The following MYO9B variants were observed in gnomAD, a reference collection of about 807,000 sequenced individuals.
MYO9B encodes the protein unconventional myosin-IXb.
MYO9B carries 71 observed loss-of-function variants against 229.5 expected under a neutral mutation model. The ratio of observed to expected loss-of-function variants is 0.31; its 90% CI spans 0.26 to 0.38. MYO9B has a LOEUF of 0.38. MYO9B is among the 10% of genes least tolerant of loss of function. The pLI is 1.00. For missense variants in MYO9B, 2,255 were observed against 2,920.5 expected, an observed-to-expected ratio of 0.77 and a Z score of 5.25; for synonymous variants, 1,185 against 1,235.8, an observed-to-expected ratio of 0.96 and a Z score of 0.86.
intron 2 of MYO9B, among the ~76,000 whole-genome samples, chr19:17,120,398 T>C (rs2057950941): frequency 6.6e-6 from 1 of 152,146 alleles, no homozygotes; most frequent in African/African-American, 2.4e-5. Flanking sequence ...ATCCCAGTGC[T>C]TTGGGAAGCC....
chr19:17,095,044 GC>G (rs1357252256), intron 1 of MYO9B, among the ~76,000 whole-genome samples: 2 of 152,210 alleles, frequency 1.3e-5, no homozygotes, highest in African/African-American at 4.8e-5. Context: ...TTCCAGACCA[GC>G]CTGGCCAACA....
rs1323240448 is a variant in MYO9B, at chr19:17,122,226, T to C, written c.840+19669T>C. 2.6e-5 allele frequency among the ~76,000 whole-genome samples: 4 copies of C among 152,112 alleles called. No individual in the cohort carries two copies. In the East Asian group the frequency reaches 7.7e-4, roughly 29 times the overall value. On this transcript the variant is annotated intron_variant, in intron 2 of 39. Coordinates refer to ENST00000682292, the MANE Select transcript of MYO9B (RefSeq NM_004145.4). The stretch of plus-strand genomic sequence containing the variant: ...AGAATCTTTCTTGCAAAAGATGCAT[T>C]ATTTCAGGAAGCCATCAAAAGTTGC...
At chr19:17,151,340 C>T (rs545211845) in intron 3 of MYO9B, among the ~76,000 whole-genome samples, 187 of 151,544 alleles carry the variant, frequency 1.2e-3, no homozygotes, top group African/African-American at 4.3e-3. Context: ...CATATGGATA[C>T]AACCAAGTAT....
At chr19:17,152,846 C>T (rs1033966467) in intron 4 of MYO9B, 140 bp downstream of exon 4, 1 of 693,810 alleles carries the variant, frequency 1.4e-6, no homozygotes, top group Non-Finnish European at 2.4e-6. Context: ...GGAGCAGGGC[C>T]TGCCCATCCA....
intron 2 of MYO9B, among the ~76,000 whole-genome samples, chr19:17,125,305 C>CG (rs1396799868): frequency 2.2e-5 from 3 of 138,782 alleles, no homozygotes; most frequent in East Asian, 2.1e-4. Context: ...CATCCCCCCC[C>CG]CCCCAAAAAA....
At chr19:17,107,411 C>A (rs2057802811) in intron 2 of MYO9B, among the ~76,000 whole-genome samples, 1 of 152,206 alleles carries the variant, frequency 6.6e-6, no homozygotes, top group Non-Finnish European at 1.5e-5. Flanking sequence ...AGGATTGCCA[C>A]CTAGGTCTCA....
At chr19:17,126,981 C>T (rs1244723865) in intron 2 of MYO9B, among the ~76,000 whole-genome samples, 1 of 137,010 alleles carries the variant, frequency 7.3e-6, no homozygotes, top group Non-Finnish European at 1.5e-5. Flanking sequence ...ACCACACCCA[C>T]CCGATCTTTT....
At chr19:17,095,058 G>A (rs901003096) in intron 1 of MYO9B, among the ~76,000 whole-genome samples, 2 of 152,182 alleles carry the variant, frequency 1.3e-5, no homozygotes, top group Non-Finnish European at 2.9e-5. Flanking sequence ...GGCCAACATG[G>A]CGAAACTCTG....
chr19:17,184,725 T>C, intron 16 of MYO9B, 140 bp from the exon 17 acceptor site: 2 of 1,124,138 alleles, frequency 1.8e-6, no homozygotes, highest in Admixed American at 2.4e-5. Flanking sequence ...AGTGTGGTCC[T>C]GAGACCAAAC....
chr19:17,212,505 C>G lies in MYO9B; in HGVS notation c.*195C>G, dbSNP rs865789964. 1.7e-6 allele frequency: 1 copy of G among 572,478 alleles called. No individual in the cohort carries two copies. The highest frequency in any genetic ancestry group is 1.9e-5 in the African/African-American group (1 of 51,342). The allele number at this position is 572,478 out of a possible 1,614,324, so 35.5% of individuals were successfully genotyped here. On this transcript the variant is annotated 3_prime_UTR_variant, in exon 40 of 40. Coordinates refer to ENST00000682292, the MANE Select transcript of MYO9B (RefSeq NM_004145.4). The surrounding 1 kb of genome is among the most constrained non-coding windows in gnomAD (Gnocchi z 5.4). ...CCGGCTGGAGCCAGGCCCCCTCGCA[C>G]GCAGCCCCCAAATCATGGACGCACC...
At chr19:17,131,087 G>C (rs1228567163) in intron 2 of MYO9B, among the ~76,000 whole-genome samples, 1 of 152,108 alleles carries the variant, frequency 6.6e-6, no homozygotes, top group Non-Finnish European at 1.5e-5. Flanking sequence ...GCTAGAAACT[G>C]CTGTATGCTC....
intron 2 of MYO9B, among the ~76,000 whole-genome samples, chr19:17,109,425 G>A (rs948616873): frequency 3.3e-5 from 5 of 152,146 alleles, no homozygotes; most frequent in Non-Finnish European, 7.3e-5. Context: ...TTTGGGCTTC[G>A]TGATTTTCCT....
At chr19:17,079,048 G>A (rs1600007916) in intron 1 of MYO9B, among the ~76,000 whole-genome samples, 1 of 152,210 alleles carries the variant, frequency 6.6e-6, no homozygotes, top group African/African-American at 2.4e-5. Flanking sequence ...CCCATGAGAT[G>A]CCAGTAGTAT....
chr19:17,186,097 G>C, intron 18 of MYO9B, 96 bp downstream of exon 18: 1 of 1,100,892 alleles, frequency 9.1e-7, no homozygotes, highest in Non-Finnish European at 1.4e-6. Context: ...CACGCAGTAT[G>C]GGGGACGGTG....
intron 2 of MYO9B, among the ~76,000 whole-genome samples, chr19:17,126,056 T>A (rs189898737): frequency 2.1e-3 from 317 of 152,284 alleles, no homozygotes; most frequent in Non-Finnish European, 3.2e-3. Context: ...AGGGTCTTCC[T>A]TGTGCCTGGC....
At position 17,200,423 on chromosome 19, in the gene MYO9B, G is replaced by A. The variant is rs772859092; in HGVS notation, c.4369G>A (p.Glu1457Lys). 6 of 1,575,116 alleles carry A rather than the reference G, an allele frequency of 3.8e-6. No individual in the cohort carries two copies. The highest frequency in any genetic ancestry group is 2.3e-5 in the East Asian group (1 of 43,058). ...AGCCACCACCATGAAGAAGGGCCTG[G>A]AAGGTTGGTAGCCTGCAGCCTCAGG... ...LEATTMKKGL[E>K]APSGQQHRHA... Residue 1457 changes from glutamate to lysine, a missense_variant, in exon 25 of 40, where the codon GAA becomes AAA. By Grantham distance (56) the Glu-to-Lys change is moderately conservative (BLOSUM62 1). Around this residue, in one of 7 missense-constraint regions of MYO9B, gnomAD observed 679 missense variants for 770.2 expected, o/e 0.88. Coordinates refer to ENST00000682292, the MANE Select transcript of MYO9B (RefSeq NM_004145.4).
intron 2 of MYO9B, among the ~76,000 whole-genome samples, chr19:17,127,094 C>G (rs1355767025): frequency 6.8e-6 from 1 of 147,440 alleles, no homozygotes; most frequent in Non-Finnish European, 1.5e-5. Context: ...TCACTGCAAC[C>G]TTTGCCTCCC....
intron 13 of MYO9B, among the ~76,000 whole-genome samples, chr19:17,173,288 T>C (rs1476339971): frequency 1.5e-5 from 2 of 137,810 alleles, no homozygotes; most frequent in Non-Finnish European, 3.0e-5. Flanking sequence ...CTCTCTGTCT[T>C]GCTCTTTTTT....
chr19:17,188,253 A>G (rs1202660435), intron 19 of MYO9B, among the ~76,000 whole-genome samples: 1 of 151,804 alleles, frequency 6.6e-6, no homozygotes, highest in Non-Finnish European at 1.5e-5. Context: ...ACATGGTGAA[A>G]CCCCATCTCT....
Sources: allele counts gnomAD v4.1 joint callset (sites outside exome capture counted in the v4.1 genomes callset), GRCh38; gene constraint gnomAD v4.1.1; regional missense constraint gnomAD v4.1.1; non-coding constraint Gnocchi (gnomAD v3.1); transcripts MANE v1.5; gene names NCBI Gene and HGNC (gene_info 2026-07-23, HGNC 2026-07-21).